The following RPS6KA3 variants were observed in gnomAD, a reference collection of about 807,000 sequenced individuals.
RPS6KA3 encodes ribosomal protein S6 kinase alpha-3.
RPS6KA3 carries 4 observed loss-of-function variants against 67.2 expected under a neutral mutation model. The observed-to-expected ratio is 0.06, with a 90% CI of 0.03 to 0.14. RPS6KA3 has a LOEUF of 0.14. Ranked by LOEUF, RPS6KA3 falls within the 10% of genes least tolerant of loss-of-function variation. The probability of loss-of-function intolerance (pLI) is 1.00; values close to 1 mark genes in which losing one functional copy is unlikely to be tolerated. For synonymous variants in RPS6KA3, 182 were observed against 183.7 expected, an observed-to-expected ratio of 0.99 and a Z score of 0.07; for missense variants, 204 against 559.0, an observed-to-expected ratio of 0.36 and a Z score of 6.40.
intron 1 of RPS6KA3, chrX:20,240,474 T>C (rs914079098): frequency 2.4e-5 from 7 of 290,748 alleles, no homozygotes; most frequent in African/African-American, 2.1e-4. Context: ...TACCACCAAA[T>C]TGTTCAGAAT....
intron 1 of RPS6KA3, among the ~76,000 whole-genome samples, chrX:20,242,285 G>T (rs894198704): frequency 2.7e-5 from 3 of 111,854 alleles, no homozygotes; most frequent in Admixed American, 9.5e-5. Flanking sequence ...TAGTTATCCA[G>T]TAAATACAAA....
intron 15 of RPS6KA3, among the ~76,000 whole-genome samples, chrX:20,170,900 G>A (rs750226303): frequency 9.1e-5 from 10 of 110,497 alleles, no homozygotes; most frequent in Non-Finnish European, 1.7e-4. Flanking sequence ...TCAGCCTCCT[G>A]AGTAGCTGGG....
intron 1 of RPS6KA3, among the ~76,000 whole-genome samples, chrX:20,247,626 A>C (rs901895881): frequency 9.1e-6 from 1 of 109,770 alleles, no homozygotes; most frequent in Non-Finnish European, 1.9e-5. Context: ...CTCTACTAAA[A>C]ACACAAAAAA....
intron 1 of RPS6KA3, among the ~76,000 whole-genome samples, 192 bp from the exon 2 acceptor site, chrX:20,235,006 G>T (rs1442998397): frequency 1.8e-5 from 2 of 111,595 alleles, no homozygotes; most frequent in Admixed American, 1.9e-4. Context: ...TTAATTATTT[G>T]AAACTATAAA....
intron 17 of RPS6KA3, among the ~76,000 whole-genome samples, chrX:20,165,852 T>TC (rs2067422497): frequency 9.0e-6 from 1 of 110,909 alleles, no homozygotes; most frequent in African/African-American, 3.3e-5. Context: ...AGTACAGTAG[T>TC]CCCCCCTTAT....
chrX:20,176,886 C>T, intron 11 of RPS6KA3, 110 bp downstream of exon 11: 1 of 617,093 alleles, frequency 1.6e-6, no homozygotes, highest in African/African-American at 2.2e-5. Flanking sequence ...GCCACCAGGC[C>T]TAGCCTTGTC....
Position 20,224,032 on chromosome X carries a change from C to T in RPS6KA3, c.126+10726G>A, listed in dbSNP as rs149219389. Among the ~76,000 whole-genome samples the T allele has an allele frequency of 2.7e-3, 302 of 111,508 alleles. 2 individuals are homozygous for T. Among genetic ancestry groups the T allele is most frequent in the African/African-American group, 9.3e-3 (286 of 30,696 alleles). On this transcript the variant is annotated intron_variant, in intron 2 of 21. Transcript: ENST00000379565. ...AAGTATAACAATAACATTTAAGATA[C>T]TACTATATTCTAGGCACTGTGCTTT...
intron 17 of RPS6KA3, among the ~76,000 whole-genome samples, chrX:20,166,716 T>C (rs1028158707): frequency 6.1e-4 from 53 of 87,364 alleles, no homozygotes; most frequent in African/African-American, 1.7e-3. Context: ...TTCCCTTCTT[T>C]TTTTTTTTTT....
chrX:20,181,556 T>C (rs1333280473), intron 10 of RPS6KA3, among the ~76,000 whole-genome samples: 3 of 112,061 alleles, frequency 2.7e-5, no homozygotes, highest in African/African-American at 9.7e-5. Context: ...ATTGTTTAGA[T>C]ATTAATTCCT....
rs1338422479 is a variant in RPS6KA3 at position 20,152,510 on chromosome X, CT to C, written c.*2887del. 3.6e-5 allele frequency: 4 copies of C among 111,668 alleles called. No homozygotes were observed. Among genetic ancestry groups the C allele is most frequent in the Non-Finnish European group, 7.5e-5 (4 of 53,084 alleles). The allele number at this position is 111,668 out of a possible 1,213,427, so 9.2% of individuals were successfully genotyped here. On this transcript the variant is annotated 3_prime_UTR_variant, in exon 22 of 22. Transcript: ENST00000379565. Reference sequence around the variant, plus strand: ...AATATCTTTAAGACTGGACTGATACCTTTTGGGAGAAGCCTCAGTAACTGGC... The same window carrying C: ...AATATCTTTAAGACTGGACTGATACCTTTGGGAGAAGCCTCAGTAACTGGC...
At chrX:20,253,565 C>T (rs1039655633) in intron 1 of RPS6KA3, among the ~76,000 whole-genome samples, 29 of 110,819 alleles carry the variant, frequency 2.6e-4, no homozygotes, top group Admixed American at 2.5e-3. Flanking sequence ...ACAGTGTTTT[C>T]GCTGTAAGGG....
intron 2 of RPS6KA3, among the ~76,000 whole-genome samples, chrX:20,214,841 CTTTTT>C (rs753632500): frequency 2.2e-5 from 2 of 90,359 alleles, no homozygotes; most frequent in Non-Finnish European, 2.2e-5. Flanking sequence ...TTCTTTTTTT[CTTTTT>C]TTTTTTTTTT....
At chrX:20,236,789 A>G (rs2069421841) in intron 1 of RPS6KA3, among the ~76,000 whole-genome samples, 1 of 111,760 alleles carries the variant, frequency 8.9e-6, no homozygotes, top group Non-Finnish European at 1.9e-5. Context: ...AACACTGCCC[A>G]TTTCTTTGGT....
intron 14 of RPS6KA3, among the ~76,000 whole-genome samples, chrX:20,173,677 T>C (rs1287116319): frequency 8.9e-6 from 1 of 112,651 alleles, no homozygotes; most frequent in Non-Finnish European, 1.9e-5. Flanking sequence ...ACAGAATTTG[T>C]AATTTAAAAA....
intron 1 of RPS6KA3, 67 bp from the exon 2 acceptor site, chrX:20,234,881 G>GA: frequency 5.8e-6 from 5 of 859,316 alleles, no homozygotes; most frequent in Admixed American, 5.2e-5. Context: ...TTAAATGAAG[G>GA]CAGACAAAAA....
chrX:20,155,982 T>C, intron 21 of RPS6KA3, 127 bp downstream of exon 21: 1 of 757,855 alleles, frequency 1.3e-6, no homozygotes, highest in Non-Finnish European at 2.1e-6. Context: ...AGTCACCCAC[T>C]GTAAGAGAAT....
intron 5 of RPS6KA3, 49 bp downstream of exon 5, chrX:20,195,016 T>C (rs1207869697): frequency 1.3e-6 from 1 of 762,540 alleles, no homozygotes; most frequent in East Asian, 3.2e-5. Flanking sequence ...TCCTCAGGGA[T>C]TTTGAGGGAT....
At chrX:20,231,144 G>T (rs1356856534) in intron 2 of RPS6KA3, among the ~76,000 whole-genome samples, 15 of 110,379 alleles carry the variant, frequency 1.4e-4, no homozygotes, top group Non-Finnish European at 1.9e-5. Context: ...CTGTAGTAGA[G>T]ACAGGGACTT....
At chrX:20,259,339 C>T (rs1229110837) in intron 1 of RPS6KA3, among the ~76,000 whole-genome samples, 2 of 111,364 alleles carry the variant, frequency 1.8e-5, no homozygotes, top group African/African-American at 6.5e-5. Flanking sequence ...AGTCAAGGTA[C>T]AGGCCATTTA....
Sources: gnomAD v4.1 joint callset for allele counts (sites outside exome capture counted in the v4.1 genomes callset) on GRCh38, gnomAD v4.1.1 for gene constraint, MANE v1.5 for transcripts, NCBI Gene and HGNC (gene_info 2026-07-23, HGNC 2026-07-21) for gene names.